MGMT: variants seen among roughly 807,000 people sequenced by gnomAD.
The protein encoded by MGMT is O-6-methylguanine-DNA methyltransferase, also known as methylated-DNA--protein-cysteine methyltransferase.
MGMT carries 14 observed loss-of-function variants against 15.9 expected under a neutral mutation model. That is an observed-to-expected ratio of 0.88 (90% CI 0.58 to 1.37). The LOEUF is 1.37. MGMT is among the 40% of genes most tolerant of loss of function. The pLI is 0.00. For missense variants in MGMT, 282 were observed against 268.1 expected, an observed-to-expected ratio of 1.05 and a Z score of -0.36; for synonymous variants, 130 against 118.2, an observed-to-expected ratio of 1.10 and a Z score of -0.65.
intron 2 of MGMT, among the ~76,000 whole-genome samples, chr10:129,603,689 A>T (rs1357212056): frequency 6.6e-6 from 1 of 152,252 alleles, no homozygotes; most frequent in Non-Finnish European, 1.5e-5. Flanking sequence ...CTAATTTCAA[A>T]TGCCTTTGTT....
At chr10:129,671,923 T>C (rs536853646) in intron 2 of MGMT, among the ~76,000 whole-genome samples, 32 of 152,354 alleles carry the variant, frequency 2.1e-4, no homozygotes, top group African/African-American at 7.7e-4. Context: ...AAGAATCAGC[T>C]GGCTATACAG....
chr10:129,753,135 G>A (rs1848767511), intron 3 of MGMT, among the ~76,000 whole-genome samples: 1 of 152,074 alleles, frequency 6.6e-6, no homozygotes, highest in Non-Finnish European at 1.5e-5. Flanking sequence ...CTTTCTTTCA[G>A]CACTTCAAAA....
intron 2 of MGMT, among the ~76,000 whole-genome samples, chr10:129,545,381 A>G (rs1289745972): frequency 6.6e-6 from 1 of 152,160 alleles, no homozygotes; most frequent in African/African-American, 2.4e-5. Flanking sequence ...AGTGTCCTCC[A>G]GGTAATGTTG....
intron 2 of MGMT, among the ~76,000 whole-genome samples, chr10:129,698,207 G>T (rs1433072601): frequency 6.6e-6 from 1 of 152,184 alleles, no homozygotes; most frequent in East Asian, 1.9e-4. Context: ...CCAGAATGCA[G>T]AGGGTACTCA....
intron 2 of MGMT, among the ~76,000 whole-genome samples, chr10:129,613,439 T>C (rs887150701): frequency 2.0e-5 from 3 of 152,156 alleles, no homozygotes; most frequent in Non-Finnish European, 4.4e-5. Context: ...TTCCTCGAGT[T>C]TCTAGATTGT....
At chr10:129,504,247 T>TTTGTTTA (rs1845603020) in intron 1 of MGMT, among the ~76,000 whole-genome samples, 2 of 152,202 alleles carry the variant, frequency 1.3e-5, no homozygotes, top group South Asian at 4.1e-4. Context: ...TTGAGACAGT[T>TTTGTTTA]TTGTTTATTG....
At chr10:129,629,410 T>A (rs549430457) in intron 2 of MGMT, among the ~76,000 whole-genome samples, 1 of 152,330 alleles carries the variant, frequency 6.6e-6, no homozygotes, top group African/African-American at 2.4e-5. Flanking sequence ...TATTTCATTG[T>A]CCGTGGTAGT....
At chr10:129,754,728 A>T (rs1310876746) in intron 3 of MGMT, among the ~76,000 whole-genome samples, 1 of 152,192 alleles carries the variant, frequency 6.6e-6, no homozygotes, top group African/African-American at 2.4e-5. Context: ...CATGGCGAGG[A>T]AGCATGCCAG....
chr10:129,745,466 T>C (rs1848684261), intron 3 of MGMT, among the ~76,000 whole-genome samples: 1 of 152,190 alleles, frequency 6.6e-6, no homozygotes, highest in African/African-American at 2.4e-5. Context: ...CTTTGTGTTT[T>C]TGAGAATGTC....
chr10:129,715,766 A>G (rs1377312359), intron 3 of MGMT, among the ~76,000 whole-genome samples: 1 of 152,220 alleles, frequency 6.6e-6, no homozygotes, highest in Non-Finnish European at 1.5e-5. Context: ...TAATAGTGAT[A>G]ATGCTGAAAA....
intron 2 of MGMT, among the ~76,000 whole-genome samples, chr10:129,635,087 T>C (rs1847250440): frequency 6.6e-6 from 1 of 152,204 alleles, no homozygotes; most frequent in East Asian, 1.9e-4. Context: ...CCGGATGGTC[T>C]GTGAATAGGA....
chr10:129,470,259 C>T (rs1845215629), intron 1 of MGMT, among the ~76,000 whole-genome samples: 1 of 152,158 alleles, frequency 6.6e-6, no homozygotes, highest in Non-Finnish European at 1.5e-5. Flanking sequence ...GCAGGCCTGT[C>T]TTGGACATAG....
In MGMT at chr10:129,649,330, G is replaced by A. The variant is rs537828220; in HGVS notation, c.126-58565G>A. Among the ~76,000 whole-genome samples the A allele has an allele frequency of 2.4e-3, 363 of 152,066 alleles. 1 individual carries two copies. The highest frequency in any genetic ancestry group is 7.7e-3 in the African/African-American group (318 of 41,470). On this transcript the variant is annotated intron_variant, in intron 2 of 4. Transcript: ENST00000651593. ...TTGTGATTGATGTACATTCTGTGTCGCTGTATCTTCCCGCGACGTGGTAAT... is the reference window on the plus strand; with the variant it reads ...TTGTGATTGATGTACATTCTGTGTCACTGTATCTTCCCGCGACGTGGTAAT...
At chr10:129,583,163 G>C (rs1846577151) in intron 2 of MGMT, among the ~76,000 whole-genome samples, 1 of 152,196 alleles carries the variant, frequency 6.6e-6, no homozygotes. Flanking sequence ...TGTATCGGAA[G>C]CTTCTGTAAA....
At chr10:129,680,721 C>G (rs926100445) in intron 2 of MGMT, among the ~76,000 whole-genome samples, 1 of 152,202 alleles carries the variant, frequency 6.6e-6, no homozygotes, top group Non-Finnish European at 1.5e-5. Flanking sequence ...CTCAGGTACC[C>G]GCTCTGGGAA....
intron 3 of MGMT, among the ~76,000 whole-genome samples, chr10:129,718,084 A>T (rs1353082262): frequency 6.6e-6 from 1 of 152,082 alleles, no homozygotes; most frequent in African/African-American, 2.4e-5. Flanking sequence ...CACGACCCCA[A>T]CGTGGGGACA....
chr10:129,583,741 C>T (rs915645985), intron 2 of MGMT, among the ~76,000 whole-genome samples: 2 of 152,244 alleles, frequency 1.3e-5, no homozygotes, highest in African/African-American at 4.8e-5. Flanking sequence ...ATTTCATGTC[C>T]TCCTCGTCTC....
intron 2 of MGMT, among the ~76,000 whole-genome samples, chr10:129,611,113 G>A (rs1203648617): frequency 6.6e-6 from 1 of 152,186 alleles, no homozygotes; most frequent in Non-Finnish European, 1.5e-5. Flanking sequence ...GAGGAGGCCT[G>A]GAAATAGACT....
chr10:129,508,350 A>G (rs1040511149), intron 1 of MGMT, among the ~76,000 whole-genome samples: 1 of 152,110 alleles, frequency 6.6e-6, no homozygotes, highest in Non-Finnish European at 1.5e-5. Flanking sequence ...GGAAGGAGGA[A>G]GAGAGGAGTC....
Sources: gnomAD v4.1 joint callset for allele counts (sites outside exome capture counted in the v4.1 genomes callset) on GRCh38, gnomAD v4.1.1 for gene constraint, MANE v1.5 for transcripts, NCBI Gene and HGNC (gene_info 2026-07-23, HGNC 2026-07-21) for gene names.